Variants in SRGAP3 observed in about 807,000 individuals in gnomAD.
The protein encoded by SRGAP3 is SLIT-ROBO Rho GTPase-activating protein 3.
In SRGAP3, 39 loss-of-function variants were observed where a neutral mutation model predicts 121.1. That is an observed-to-expected ratio of 0.32 (90% CI 0.25 to 0.42). SRGAP3 has a LOEUF of 0.42. Among genes scored for constraint, SRGAP3 ranks in the 10% least tolerant of loss-of-function variants. The probability of loss-of-function intolerance (pLI) is 1.00; values close to 1 mark genes in which losing one functional copy is unlikely to be tolerated. For missense variants in SRGAP3, 1,213 were observed against 1,470.6 expected (o/e 0.82, Z 2.86); for synonymous variants, 601 against 570.0 (o/e 1.05, Z -0.77).
Position 8,985,599 on chromosome 3 carries a change from A to AGCT in SRGAP3, c.3217_3219dup (p.Ser1074dup), listed in dbSNP as rs746645536. 20 of 1,595,626 alleles carry AGCT rather than the reference A, an allele frequency of 1.3e-5. No homozygotes were observed. The highest frequency in any genetic ancestry group is 6.7e-5 in the East Asian group (3 of 44,676). ...GTCACGGCCGGGCTGCCCACGCCCG[A>AGCT]GCTGCTGCTGCTGCTGGACCGGTGC... On this transcript the variant is annotated inframe_insertion, in exon 22 of 22. Transcript: ENST00000383836. The surrounding 1 kb of genome is among the most constrained non-coding windows in gnomAD (Gnocchi z 5.1).
chr3:9,308,647 G>C (rs893961738), intron 3 of SRGAP3, among the ~76,000 whole-genome samples: 4 of 152,182 alleles, frequency 2.6e-5, no homozygotes, highest in Admixed American at 6.5e-5. Context: ...GGGAACTTAT[G>C]CTGAAGCCAT....
intron 3 of SRGAP3, among the ~76,000 whole-genome samples, chr3:9,318,081 C>T (rs1955377768): frequency 1.3e-5 from 2 of 151,936 alleles, no homozygotes; most frequent in African/African-American, 4.8e-5. Flanking sequence ...ATCTTCTTCC[C>T]ACTTTCAGGG....
In SRGAP3 at chr3:9,047,371, G is replaced by A; in HGVS notation, c.1408+20C>T. ...TGGGGAACGCAGCACCTCCCAGAGGGCCTCCACCAGCCCACTCACCTTCGC... is the reference window on the plus strand; with the variant it reads ...TGGGGAACGCAGCACCTCCCAGAGGACCTCCACCAGCCCACTCACCTTCGC... On this transcript the variant is annotated intron_variant, in intron 10 of 21. Coordinates refer to ENST00000383836, the MANE Select transcript of SRGAP3 (RefSeq NM_014850.4). 6.2e-7 allele frequency: 1 copy of A among 1,613,374 alleles called. No individual in the cohort carries two copies. Among genetic ancestry groups the A allele is most frequent in the Non-Finnish European group, 8.5e-7 (1 of 1,179,568 alleles).
In SRGAP3 at chr3:9,064,245, A is replaced by G. The variant is rs1165714483; in HGVS notation, c.672+151T>C. 9 of 1,026,158 alleles carry G rather than the reference A, an allele frequency of 8.8e-6. No homozygotes were observed. In the African/African-American group the frequency reaches 1.3e-4, roughly 15 times the overall value. 63.6% of individuals were successfully genotyped at this position (1,026,158 alleles called of 1,614,324 possible). A position where few individuals can be genotyped will look rare whatever the true frequency, so the allele number is the denominator to read the frequency against. ...AGGACACCGATCTCCAAAAGAGGAG[A>G]TGCTGGCTACATTGTCCCATCCCCC... is the stretch of plus-strand genomic sequence containing the variant. On this transcript the variant is annotated intron_variant, in intron 5 of 21. Coordinates refer to ENST00000383836, the MANE Select transcript of SRGAP3 (RefSeq NM_014850.4).
chr3:9,099,928 G>A (rs923468563), intron 3 of SRGAP3, among the ~76,000 whole-genome samples: 21 of 152,184 alleles, frequency 1.4e-4, no homozygotes, highest in Non-Finnish European at 2.5e-4. Flanking sequence ...GGTAAAATAC[G>A]CCAGCAGGGT....
chr3:9,281,951 C>T (rs957480425), intron 3 of SRGAP3, among the ~76,000 whole-genome samples: 3 of 152,192 alleles, frequency 2.0e-5, no homozygotes, highest in Non-Finnish European at 2.9e-5. Flanking sequence ...CAGGCATGAG[C>T]CACTGTGCTC....
chr3:9,112,382 T>C (rs897760315), intron 2 of SRGAP3, among the ~76,000 whole-genome samples: 2 of 152,210 alleles, frequency 1.3e-5, no homozygotes, highest in Non-Finnish European at 2.9e-5. Context: ...TCAGCATTCA[T>C]TGCACTTGCT....
At chr3:9,136,025 C>CT (rs1949633423) in intron 1 of SRGAP3, among the ~76,000 whole-genome samples, 1 of 152,238 alleles carries the variant, frequency 6.6e-6, no homozygotes, top group African/African-American at 2.4e-5. Flanking sequence ...ACCAGGCACG[C>CT]TGGGCACCGA....
chr3:9,155,925 C>T (rs569679828), intron 1 of SRGAP3, among the ~76,000 whole-genome samples: 1 of 152,324 alleles, frequency 6.6e-6, no homozygotes, highest in East Asian at 1.9e-4. Context: ...ACGCCATTCT[C>T]CTGCCTCAGC....
intron 1 of SRGAP3, among the ~76,000 whole-genome samples, chr3:9,242,077 CA>C (rs142186507): frequency 0.046 from 3,138 of 68,484 alleles, 32 homozygotes; most frequent in African/African-American, 0.064. Context: ...CACCCTAATT[CA>C]AAAAAAAAAA....
chr3:9,038,853 T>C (rs1207458013), intron 10 of SRGAP3, among the ~76,000 whole-genome samples: 1 of 152,170 alleles, frequency 6.6e-6, no homozygotes, highest in East Asian at 1.9e-4. Context: ...TTCTGGACCA[T>C]TTCCAACAGC....
intron 10 of SRGAP3, among the ~76,000 whole-genome samples, chr3:9,042,438 G>GAAA (rs3070001): frequency 3.8e-5 from 5 of 132,752 alleles, no homozygotes; most frequent in African/African-American, 1.3e-4. Flanking sequence ...TTTATTTACA[G>GAAA]AAAAAAAAAA....
chr3:9,138,379 A>G (rs540815431), intron 1 of SRGAP3, among the ~76,000 whole-genome samples: 7 of 152,366 alleles, frequency 4.6e-5, no homozygotes, highest in African/African-American at 1.7e-4. Context: ...TAGATTCTGT[A>G]GTCTGAGACC....
chr3:9,025,298 C>T lies in SRGAP3; in HGVS notation c.1641G>A (p.Gln547=). The T allele has an allele frequency of 1.2e-6, 2 of 1,614,178 alleles. No homozygotes were observed. The highest frequency in any genetic ancestry group is 8.5e-7 in the Non-Finnish European group (1 of 1,180,024). ...AATTTTTGATGTCATTGACTTCCAC[C>T]TGAGATCCTGGCACTCTGAAGATCC... is the stretch of plus-strand genomic sequence containing the variant. ...QQGIFRVPGS[Q]VEVNDIKNSF... Residue 547 remains glutamine (Q), a synonymous_variant, in exon 14 of 22, where the codon CAG becomes CAA. Transcript: ENST00000383836.
intron 1 of SRGAP3, among the ~76,000 whole-genome samples, chr3:9,146,405 T>C (rs1950024723): frequency 6.6e-6 from 1 of 152,194 alleles, no homozygotes; most frequent in African/African-American, 2.4e-5. Context: ...GCAGGGACTT[T>C]ATAGCCCCAA....
At chr3:9,045,211 T>C (rs1349799917) in intron 10 of SRGAP3, among the ~76,000 whole-genome samples, 2 of 138,716 alleles carry the variant, frequency 1.4e-5, no homozygotes, top group African/African-American at 5.2e-5. Context: ...AAAAAAAAAC[T>C]TCTGTAGAAC....
At chr3:9,147,141 T>C (rs915690580) in intron 1 of SRGAP3, among the ~76,000 whole-genome samples, 3 of 152,130 alleles carry the variant, frequency 2.0e-5, no homozygotes, top group Admixed American at 2.0e-4. Context: ...TTCAGGGAGA[T>C]TAAATAACTT....
intron 3 of SRGAP3, among the ~76,000 whole-genome samples, chr3:9,275,762 A>G (rs1273725105): frequency 1.3e-5 from 2 of 152,198 alleles, no homozygotes; most frequent in African/African-American, 2.4e-5. Context: ...CTGTGAGTCC[A>G]TTCAACCTCT....
intron 3 of SRGAP3, among the ~76,000 whole-genome samples, chr3:9,261,166 G>GA (rs1559248683): frequency 6.6e-6 from 1 of 152,134 alleles, no homozygotes; most frequent in Admixed American, 6.5e-5. Flanking sequence ...CAACAAAAAG[G>GA]ACGTCCACGC....
Sources: allele counts gnomAD v4.1 joint callset (sites outside exome capture counted in the v4.1 genomes callset), GRCh38; gene constraint gnomAD v4.1.1; non-coding constraint Gnocchi (gnomAD v3.1); transcripts MANE v1.5; gene names NCBI Gene and HGNC (gene_info 2026-07-23, HGNC 2026-07-21).